Variants in PAX8 observed in about 807,000 individuals in gnomAD.
PAX8 encodes the protein paired box 8, also known as paired box protein Pax-8.
A neutral mutation model predicts 52.4 loss-of-function variants in PAX8; 15 were observed. That is an observed-to-expected ratio of 0.29 (90% CI 0.19 to 0.44). The LOEUF (loss-of-function observed/expected upper bound fraction) is 0.44, where lower values mean the gene tolerates loss of function less well. PAX8 is among the 20% of genes least tolerant of loss of function. The pLI, the probability that PAX8 is intolerant of heterozygous loss-of-function variation, is 1.00. For synonymous variants in PAX8, 284 were observed against 249.7 expected (o/e 1.14, Z -1.29); for missense variants, 554 against 602.5 (o/e 0.92, Z 0.84).
At chr2:113,268,301 C>CT (rs1200675441) in intron 2 of PAX8, 4 of 152,338 alleles carry the variant, frequency 2.6e-5, no homozygotes, top group Non-Finnish European at 4.4e-5. Context: ...AGCCCTCACT[C>CT]TAACTCAACA....
chr2:113,235,455 G>A lies in PAX8; in HGVS notation c.1026C>T (p.Phe342=), dbSNP rs757509745. The part of the protein sequence containing the change: ...LQQVGSGVPP[F]NAFPHAASVY... Reference sequence around the variant, plus strand: ...CGGAGGCAGCATGGGGAAAGGCATTGAAGGGCGGGACCCCGGAGCCGACTT... The same window carrying A: ...CGGAGGCAGCATGGGGAAAGGCATTAAAGGGCGGGACCCCGGAGCCGACTT... Residue 342 remains phenylalanine, a synonymous_variant, in exon 9 of 12, where the codon TTC becomes TTT. Coordinates refer to ENST00000429538, the MANE Select transcript of PAX8 (RefSeq NM_003466.4). The A allele has an allele frequency of 1.9e-6, 3 of 1,611,318 alleles. No homozygotes were observed. In the South Asian group the frequency reaches 3.3e-5, roughly 18 times the overall value.
chr2:113,275,238 G>C (rs530240423), intron 2 of PAX8: 1 of 152,148 alleles, frequency 6.6e-6, no homozygotes, highest in Admixed American at 6.5e-5. Context: ...AGCTTAAAAA[G>C]ATACTTATCT....
intron 2 of PAX8, among the ~76,000 whole-genome samples, chr2:113,262,960 C>T (rs924605693): frequency 2.6e-5 from 4 of 152,204 alleles, no homozygotes; most frequent in East Asian, 1.9e-4. Flanking sequence ...CGCTAGCAAA[C>T]GCATGCACAG....
chr2:113,233,976 C>T (rs1459944258), intron 9 of PAX8, among the ~76,000 whole-genome samples: 3 of 152,250 alleles, frequency 2.0e-5, no homozygotes, highest in East Asian at 1.9e-4. Flanking sequence ...ACCCCACCCA[C>T]GCACTGGTCT....
intron 9 of PAX8, among the ~76,000 whole-genome samples, chr2:113,232,896 AT>A (rs1689979313): frequency 6.6e-6 from 1 of 151,664 alleles, no homozygotes; most frequent in Non-Finnish European, 1.5e-5. Context: ...CCCCATCATC[AT>A]GGGCACCACC....
intron 7 of PAX8, chr2:113,239,800 G>A (rs1690664549): frequency 6.6e-6 from 1 of 152,184 alleles, no homozygotes; most frequent in Non-Finnish European, 1.5e-5. Flanking sequence ...CAGTGGACCA[G>A]TCTGAATGAA....
At chr2:113,234,520 ATTTG>A (rs1309812316) in intron 9 of PAX8, among the ~76,000 whole-genome samples, 5 of 151,802 alleles carry the variant, frequency 3.3e-5, no homozygotes, top group African/African-American at 1.2e-4. Flanking sequence ...ATTTTTATTT[ATTTG>A]TTTTTTTCTT....
At chr2:113,274,721 T>C (rs1459449600) in intron 2 of PAX8, 1 of 152,216 alleles carries the variant, frequency 6.6e-6, no homozygotes, top group African/African-American at 2.4e-5. Flanking sequence ...AGAACAAGGA[T>C]GACTATTAGT....
rs544110681 is a variant in PAX8, at chr2:113,241,402, A to G, written c.777+149T>C. 3.1e-5 allele frequency: 24 copies of G among 768,580 alleles called. No homozygotes were observed. In the African/African-American group the frequency reaches 3.2e-4, roughly 10 times the overall value. The allele number at this position is 768,580 out of a possible 1,614,324, so 47.6% of individuals were successfully genotyped here. A position where few individuals can be genotyped will look rare whatever the true frequency, so the allele number is the denominator to read the frequency against. ...GCCAGGGCATCTGGTAAAATAAAGC[A>G]TGTGTCAGGCTTGGAGTTGCATAAG... is the stretch of plus-strand genomic sequence containing the variant. On this transcript the variant is annotated intron_variant, in intron 7 of 11. Transcript: ENST00000429538.
intron 8 of PAX8, 50 bp from the exon 9 acceptor site, chr2:113,235,632 G>A: frequency 1.4e-6 from 2 of 1,471,018 alleles, no homozygotes; most frequent in Non-Finnish European, 1.9e-6. Flanking sequence ...AGATGGCGGG[G>A]AGGGAACACG....
At chr2:113,260,074 C>A (rs570478671) in intron 2 of PAX8, among the ~76,000 whole-genome samples, 1 of 152,282 alleles carries the variant, frequency 6.6e-6, no homozygotes, top group East Asian at 1.9e-4. Context: ...ATTTTCAGTA[C>A]ATTAGATTTC....
At chr2:113,266,193 G>A (rs1170634430) in intron 2 of PAX8, 2 of 152,206 alleles carry the variant, frequency 1.3e-5, no homozygotes, top group African/African-American at 2.4e-5. Context: ...GTGAAGCTGA[G>A]AGAAAGACAA....
Position 113,261,422 on chromosome 2 carries a change from G to A in PAX8, c.26-14503C>T, listed in dbSNP as rs150946877. 3.3e-3 allele frequency among the ~76,000 whole-genome samples: 507 copies of A among 152,272 alleles called. 1 individual carries two copies. Among genetic ancestry groups the A allele is most frequent in the African/African-American group, 0.011 (476 of 41,550 alleles). ...GAAACATTGAGTAACCTTCCTATGTGACAAAACACCAGGGGTGACACTGGG... is the reference window on the plus strand; with the variant it reads ...GAAACATTGAGTAACCTTCCTATGTAACAAAACACCAGGGGTGACACTGGG... On this transcript the variant is annotated intron_variant, in intron 2 of 11. Transcript: ENST00000429538.
chr2:113,250,656 A>G (rs1215323671), intron 2 of PAX8: 1 of 152,150 alleles, frequency 6.6e-6, no homozygotes, highest in Non-Finnish European at 1.5e-5. Context: ...TAAGAGAATA[A>G]CTCTTCATAC....
At chr2:113,224,819 AAAAAT>A (rs1302291589) in intron 10 of PAX8, among the ~76,000 whole-genome samples, 21 of 146,472 alleles carry the variant, frequency 1.4e-4, no homozygotes, top group African/African-American at 4.9e-4. Context: ...AATAAAATAA[AAAAAT>A]AAAATAAAAT....
chr2:113,235,576 T>C lies in PAX8; in HGVS notation c.905A>G (p.His302Arg), dbSNP rs758700197. The C allele has an allele frequency of 3.1e-6, 5 of 1,608,312 alleles. No homozygotes were observed. The South Asian group carries it at 5.5e-5, about 18-fold the overall frequency. Residue 302 changes from histidine (H) to arginine (R), a missense_variant, in exon 9 of 12, where the codon CAC becomes CGC. By Grantham distance (29) the His-to-Arg change is conservative. Transcript: ENST00000429538. ...TTCCTGCTTTATGGCGAAGGGTGAG[T>C]GAGGATCTGCCGGAGGGAGGGAGAC... ...HQTYPVVADP[H>R]SPFAIKQETP...
Position 113,235,421 on chromosome 2 carries a change from G to A in PAX8, c.1060C>T (p.Gln354Ter), listed in dbSNP as rs776082182. 1 of 1,598,606 alleles carries A rather than the reference G, an allele frequency of 6.3e-7. No individual in the cohort carries two copies. The highest frequency in any genetic ancestry group is 8.5e-7 in the Non-Finnish European group (1 of 1,172,618). The change falls in exon 9 of 12, where the codon CAG (glutamine) becomes TAG (stop). Residue 354 changes from glutamine (Q) to a stop codon, truncating the protein, a stop_gained. Transcript: ENST00000429538. LOFTEE classifies it high-confidence loss of function. ...GAGAGGAGGGCCTGGCCCGTGAACT[G>A]CCCGTACACGGAGGCAGCATGGGGA... ...AFPHAASVYGQFTGQALLSGR... is the reference protein window; with the variant it reads ...AFPHAASVYG
In PAX8 at chr2:113,236,658, A is replaced by C. The variant is rs1441083066; in HGVS notation, c.841T>G (p.Ser281Ala). Reference protein sequence around the residue: ...LDDGKATLTPSNTPLGRNLST... With the variant: ...LDDGKATLTPANTPLGRNLST... ...AGGTTGCGCCCCAGTGGCGTGTTGG[A>C]AGGGGTCAGGGTGGCCTTCCCGTCG... is the stretch of plus-strand genomic sequence containing the variant. Residue 281 changes from serine to alanine, a missense_variant, in exon 8 of 12, where the codon TCC (serine) becomes GCC (alanine). Ser to Ala is a moderately conservative substitution (Grantham distance 99). Transcript: ENST00000429538. 1.9e-6 allele frequency: 3 copies of C among 1,596,026 alleles called. No individual in the cohort carries two copies. The highest frequency in any genetic ancestry group is 1.1e-5 in the South Asian group (1 of 87,680).
At chr2:113,265,420 C>A (rs968359481) in intron 2 of PAX8, 5 of 152,320 alleles carry the variant, frequency 3.3e-5, no homozygotes, top group African/African-American at 1.2e-4. Flanking sequence ...CTCTTGTCAA[C>A]CCCTGCAGTT....
Sources: allele counts gnomAD v4.1 joint callset (sites outside exome capture counted in the v4.1 genomes callset), GRCh38; gene constraint gnomAD v4.1.1; transcripts MANE v1.5; gene names NCBI Gene and HGNC (gene_info 2026-07-23, HGNC 2026-07-21).